PSMD6: variants seen among roughly 807,000 people sequenced by gnomAD.
The protein encoded by PSMD6 is proteasome 26S subunit, non-ATPase 6.
PSMD6 carries 7 observed loss-of-function variants against 44.9 expected under a neutral mutation model. The observed-to-expected ratio is 0.16, with a 90% CI of 0.09 to 0.29. The LOEUF (loss-of-function observed/expected upper bound fraction) is 0.29, where lower values mean the gene tolerates loss of function less well. Among genes scored for constraint, PSMD6 ranks in the 10% least tolerant of loss-of-function variants. PSMD6 has a pLI of 1.00. For missense variants in PSMD6, 420 were observed against 482.6 expected (o/e 0.87, Z 1.21); for synonymous variants, 184 against 172.7 (o/e 1.07, Z -0.51).
At chr3:64,017,764 A>G (rs1353638380) in intron 5 of PSMD6, 2 of 152,250 alleles carry the variant, frequency 1.3e-5, no homozygotes, top group Non-Finnish European at 2.9e-5. Context: ...AACAATCGTC[A>G]TTTGGAACCG....
intron 5 of PSMD6, chr3:64,014,524 C>G (rs971098341): frequency 1.3e-5 from 2 of 152,006 alleles, no homozygotes; most frequent in African/African-American, 2.4e-5. Flanking sequence ...AGTCTGAAGG[C>G]AGGAAAAGCA....
chr3:64,011,785 T>G (rs2075959248), intron 6 of PSMD6: 1 of 152,192 alleles, frequency 6.6e-6, no homozygotes, highest in Admixed American at 6.5e-5. Context: ...AGGCTTTATC[T>G]CCACATTACA....
intron 5 of PSMD6, chr3:64,017,630 T>C (rs1009447249): frequency 2.0e-5 from 3 of 152,260 alleles, no homozygotes; most frequent in Non-Finnish European, 4.4e-5. Context: ...TTACTCATCA[T>C]GCTCGGGAAA....
intron 6 of PSMD6, chr3:64,012,252 T>TCTTCATTTAAAGTTTCCACTGCAGA (rs2075969395): frequency 6.6e-6 from 1 of 152,258 alleles, no homozygotes; most frequent in African/African-American, 2.4e-5. Flanking sequence ...AAGAAATGCA[T>TCTTCATTTAAAGTTTCCACTGCAGA]CTTCATTTAA....
chr3:64,013,316 A>C, intron 6 of PSMD6, 123 bp downstream of exon 6: 1 of 1,024,750 alleles, frequency 9.8e-7, no homozygotes, highest in Non-Finnish European at 1.4e-6. Context: ...CTGAGGAAAA[A>C]AACCTCTCCC....
At chr3:64,019,569 T>G in intron 2 of PSMD6, 128 bp from the exon 3 acceptor site, 33 of 891,082 alleles carry the variant, frequency 3.7e-5, no homozygotes, top group Non-Finnish European at 5.1e-5. Flanking sequence ...AGATGGCCAT[T>G]AACTGTTAAT....
intron 3 of PSMD6, 80 bp downstream of exon 3, chr3:64,019,216 A>G: frequency 6.7e-7 from 1 of 1,488,862 alleles, no homozygotes; most frequent in Admixed American, 1.9e-5. Context: ...GCTGTAAACA[A>G]AACAGGCAGT....
Position 64,018,593 on chromosome 3 carries a change from C to T in PSMD6, c.826+6G>A, listed in dbSNP as rs777069347. ...AGATAATCAAAAATATCAACCCTATCCTTACCTAATGATTGGAAGAAAACA... is the reference window on the plus strand; with the variant it reads ...AGATAATCAAAAATATCAACCCTATTCTTACCTAATGATTGGAAGAAAACA... On this transcript the variant is annotated splice_donor_region_variant and intron_variant, in intron 5 of 7. Coordinates refer to ENST00000295901, the MANE Select transcript of PSMD6 (RefSeq NM_014814.3). The T allele has an allele frequency of 2.6e-6, 4 of 1,533,712 alleles. No homozygotes were observed. The highest frequency in any genetic ancestry group is 1.4e-5 in the African/African-American group (1 of 72,858).
intron 3 of PSMD6, 29 bp downstream of exon 3, chr3:64,019,267 G>C: frequency 6.5e-7 from 1 of 1,543,928 alleles, no homozygotes. Flanking sequence ...ATAATTTAGA[G>C]AAAATATAAT....
chr3:64,011,363 A>G (rs956745490), intron 6 of PSMD6: 1 of 150,164 alleles, frequency 6.7e-6, no homozygotes, highest in African/African-American at 2.6e-5. Context: ...CAGCAATAGT[A>G]TTTACTAAAA....
chr3:64,013,394 A>G, intron 6 of PSMD6, 45 bp downstream of exon 6: 4 of 1,469,346 alleles, frequency 2.7e-6, no homozygotes, highest in Non-Finnish European at 1.8e-6. Flanking sequence ...ATATTTTAAA[A>G]GGCAACTTTA....
rs749739445 is a variant in PSMD6, at chr3:64,018,953, G to T, written c.582C>A (p.Phe194Leu). The change falls in exon 4 of 8, where the codon TTC (phenylalanine) becomes TTA (leucine). Residue 194 changes from phenylalanine to leucine, a missense_variant. Around this residue, in one of 4 missense-constraint regions of PSMD6, gnomAD observed 216 missense variants for 227.0 expected, o/e 0.95. Coordinates refer to ENST00000295901, the MANE Select transcript of PSMD6 (RefSeq NM_014814.3). ...QGLYCVAIRDFKQAAELFLDT... is the reference protein window; with the variant it reads ...QGLYCVAIRDLKQAAELFLDT... The stretch of plus-strand genomic sequence containing the variant: ...CAAGGAAGAGTTCAGCTGCCTGTTT[G>T]AAATCACGAATAGCCACACAATAAA... 5.6e-6 allele frequency: 9 copies of T among 1,611,584 alleles called. No individual in the cohort carries two copies. The East Asian group carries it at 2.0e-4, about 36-fold the overall frequency.
At chr3:64,011,190 A>AACAATGAAACCAT in intron 6 of PSMD6, 1 of 377,656 alleles carries the variant, frequency 2.6e-6, no homozygotes, top group Admixed American at 4.4e-5. Flanking sequence ...AAGTAGATCA[A>AACAATGAAACCAT]ACAATGAAAC....
Position 64,013,430 on chromosome 3 carries a change from C to T in PSMD6, c.995+9G>A, listed in dbSNP as rs1468556353. ...AAACTTCAATTAACATGGCATTATT[C>T]AAACTTACTGATCAATGAATTCCAC... On this transcript the variant is annotated intron_variant, in intron 6 of 7. Transcript: ENST00000295901. 5 of 1,547,274 alleles carry T rather than the reference C, an allele frequency of 3.2e-6. No individual in the cohort carries two copies. The African/African-American group carries it at 7.0e-5, about 22-fold the overall frequency.
In PSMD6 at chr3:64,022,326, C is replaced by T. The variant is rs2076145217; in HGVS notation, c.343G>A (p.Gly115Ser). 1.2e-6 allele frequency: 2 copies of T among 1,614,162 alleles called. No individual in the cohort carries two copies. The highest frequency in any genetic ancestry group is 1.7e-5 in the Admixed American group (1 of 60,018). Reference sequence around the variant, plus strand: ...AAACCATCTCTACTCACTTTGTCACCTATCCGGCAGAGGTACTCGGCCTTT... The same window carrying T: ...AAACCATCTCTACTCACTTTGTCACTTATCCGGCAGAGGTACTCGGCCTTT... The part of the protein sequence containing the change: ...MAKAEYLCRI[G>S]DKEGALTAFR... The change falls in exon 2 of 8, where the codon GGT (glycine) becomes AGT (serine). Residue 115 changes from glycine to serine, a missense_variant. Coordinates refer to ENST00000295901, the MANE Select transcript of PSMD6 (RefSeq NM_014814.3).
At chr3:64,023,750 C>A, upstream of PSMD6, 2 of 1,479,836 alleles carry the variant, frequency 1.4e-6, no homozygotes, top group Non-Finnish European at 1.8e-6. Flanking sequence ...CTGATGGGAG[C>A]TTAAAATTTT....
At position 64,010,593 on chromosome 3, in the gene PSMD6, G is replaced by C; in HGVS notation, c.*75C>G. The C allele has an allele frequency of 9.3e-7, 1 of 1,077,868 alleles. No individual in the cohort carries two copies. The highest frequency in any genetic ancestry group is 1.4e-6 in the Non-Finnish European group (1 of 737,590). 66.8% of individuals were successfully genotyped at this position (1,077,868 alleles called of 1,614,324 possible). A position where few individuals can be genotyped will look rare whatever the true frequency, so the allele number is the denominator to read the frequency against. On this transcript the variant is annotated 3_prime_UTR_variant, in exon 8 of 8. Coordinates refer to ENST00000295901, the MANE Select transcript of PSMD6 (RefSeq NM_014814.3). The stretch of plus-strand genomic sequence containing the variant: ...AGTATTTATTTTATACAGCTGACCT[G>C]GGCACATTGTGAAGTAAGCTATAAA...
At position 64,022,539 on chromosome 3, in the gene PSMD6, A is replaced by C. The variant is rs1380303260; in HGVS notation, c.146-16T>G. On this transcript the variant is annotated splice_polypyrimidine_tract_variant and intron_variant, in intron 1 of 7. Coordinates refer to ENST00000295901, the MANE Select transcript of PSMD6 (RefSeq NM_014814.3). ...GGAGCCATGTCTAACATGCAAAAAG[A>C]GGGATGTGTGAGTGGGGACACTTGT... The C allele has an allele frequency of 3.7e-6, 6 of 1,613,034 alleles. No homozygotes were observed. Among genetic ancestry groups the C allele is most frequent in the Non-Finnish European group, 5.1e-6 (6 of 1,178,948 alleles).
chr3:64,018,700 T>C lies in PSMD6; in HGVS notation c.725A>G (p.Lys242Arg). ...ERPDLREKVI[K>R]GAEILEVLHS... is the part of the protein sequence containing the mutation. ...CAACACTTCAAGAATCTCTGCTCCT[T>C]TAATGACCTAGGTATTTTAAAAAAC... Residue 242 changes from lysine to arginine, a missense_variant, in exon 5 of 8, where the codon AAA becomes AGA. Around this residue, in one of 4 missense-constraint regions of PSMD6, gnomAD observed 216 missense variants for 227.0 expected, o/e 0.95. Coordinates refer to ENST00000295901, the MANE Select transcript of PSMD6 (RefSeq NM_014814.3). The C allele has an allele frequency of 6.3e-7, 1 of 1,592,038 alleles. No individual in the cohort carries two copies. The highest frequency in any genetic ancestry group is 8.6e-7 in the Non-Finnish European group (1 of 1,161,564).
Sources: allele counts gnomAD v4.1 joint callset, GRCh38; gene constraint gnomAD v4.1.1; regional missense constraint gnomAD v4.1.1; transcripts MANE v1.5; gene names NCBI Gene and HGNC (gene_info 2026-07-23, HGNC 2026-07-21).